The following BMP1 variants were observed in gnomAD, a reference collection of about 807,000 sequenced individuals.
BMP1 encodes the protein mammalian tolloid protein.
BMP1 carries 63 observed loss-of-function variants against 116.8 expected under a neutral mutation model. The observed-to-expected ratio is 0.54, with a 90% CI of 0.44 to 0.67. The LOEUF (loss-of-function observed/expected upper bound fraction) is 0.67. Ranked by LOEUF, BMP1 falls within the 30% of genes least tolerant of loss-of-function variation. The probability of loss-of-function intolerance (pLI) is 0.00; values close to 1 mark genes in which losing one functional copy is unlikely to be tolerated. For missense variants in BMP1, 1,183 were observed against 1,358.9 expected, an observed-to-expected ratio of 0.87 and a Z score of 2.04; for synonymous variants, 536 against 533.4, an observed-to-expected ratio of 1.00 and a Z score of -0.07.
chr8:22,194,751 G>C lies in BMP1; in HGVS notation c.1471G>C (p.Asp491His). 2 of 1,611,410 alleles carry C rather than the reference G, an allele frequency of 1.2e-6. No individual in the cohort carries two copies. The highest frequency in any genetic ancestry group is 1.7e-6 in the Non-Finnish European group (2 of 1,178,760). Reference sequence around the variant, plus strand: ...TGAGCGCCACGACAGCTGTGCCTACGACTATCTGGAGGTGCGCGACGGGCA... The same window carrying C: ...TGAGCGCCACGACAGCTGTGCCTACCACTATCTGGAGGTGCGCGACGGGCA... ...EIERHDSCAY[D>H]YLEVRDGHSE... is the part of the protein sequence containing the mutation. The change falls in exon 12 of 20, where the codon GAC (aspartate) becomes CAC (histidine). Residue 491 changes from aspartate to histidine, a missense_variant. Asp to His is a moderately conservative substitution (Grantham distance 81). Coordinates refer to ENST00000306385, the MANE Select transcript of BMP1 (RefSeq NM_006129.5). The surrounding 1 kb of genome is among the most constrained non-coding windows in gnomAD (Gnocchi z 4.5).
chr8:22,196,642 G>T (rs1395222472), intron 13 of BMP1, 38 bp from the exon 14 acceptor site: 2 of 1,612,236 alleles, frequency 1.2e-6, no homozygotes, highest in South Asian at 1.1e-5. Flanking sequence ...CATGGCAGGG[G>T]CTCCCCGCAG....
chr8:22,166,298 G>A (rs917011221), intron 1 of BMP1, among the ~76,000 whole-genome samples: 1 of 151,944 alleles, frequency 6.6e-6, no homozygotes, highest in African/African-American at 2.4e-5. Flanking sequence ...CCCAGATATT[G>A]TATATCAGCT....
At position 22,176,969 on chromosome 8, in the gene BMP1, C is replaced by T. The variant is rs1828458046; in HGVS notation, c.560C>T (p.Ser187Phe). 2 of 1,610,392 alleles carry T rather than the reference C, an allele frequency of 1.2e-6. No individual in the cohort carries two copies. Among genetic ancestry groups the T allele is most frequent in the Non-Finnish European group, 1.7e-6 (2 of 1,178,700 alleles). The change falls in exon 5 of 20, where the codon TCC (serine) becomes TTC (phenylalanine). Residue 187 changes from serine (S) to phenylalanine (F), a missense_variant. Around this residue, in one of 4 missense-constraint regions of BMP1, gnomAD observed 956 missense variants for 1,135.2 expected, o/e 0.84. Coordinates refer to ENST00000306385, the MANE Select transcript of BMP1 (RefSeq NM_006129.5). ...VFTYRPCGCCSYVGRRGGGPQ... is the reference protein window; with the variant it reads ...VFTYRPCGCCFYVGRRGGGPQ... ...CTGGCCCCGCCCTCCAGGTGCTGCTCCTACGTGGGTCGCCGCGGCGGGGGC... is the reference window on the plus strand; with the variant it reads ...CTGGCCCCGCCCTCCAGGTGCTGCTTCTACGTGGGTCGCCGCGGCGGGGGC...
chr8:22,176,729 C>G (rs1828447573), intron 4 of BMP1, 79 bp downstream of exon 4: 1 of 1,447,348 alleles, frequency 6.9e-7, no homozygotes. Flanking sequence ...CCACTGCCCC[C>G]AGCTGGGCAC....
At chr8:22,171,780 A>G (rs1024510686) in intron 1 of BMP1, 11 of 152,182 alleles carry the variant, frequency 7.2e-5, no homozygotes, top group Non-Finnish European at 1.6e-4. Flanking sequence ...TTTGGCCTCG[A>G]TGACTGCCAC....
intron 1 of BMP1, among the ~76,000 whole-genome samples, chr8:22,168,005 T>C (rs1373704440): frequency 6.6e-6 from 1 of 152,136 alleles, no homozygotes; most frequent in East Asian, 1.9e-4. Context: ...TCTGCTTCTT[T>C]TCAAGGGCTG....
chr8:22,181,636 T>C (rs1424699161), intron 8 of BMP1, among the ~76,000 whole-genome samples: 1 of 151,430 alleles, frequency 6.6e-6, no homozygotes, highest in Non-Finnish European at 1.5e-5. Flanking sequence ...CACTGCAACC[T>C]CTGCCGCCCA....
chr8:22,183,547 A>G (rs1828682848), intron 8 of BMP1, among the ~76,000 whole-genome samples: 1 of 152,088 alleles, frequency 6.6e-6, no homozygotes, highest in African/African-American at 2.4e-5. Flanking sequence ...AATAATAGCA[A>G]TAACTAACAA....
chr8:22,170,965 G>T (rs909796204), intron 1 of BMP1: 2 of 152,168 alleles, frequency 1.3e-5, no homozygotes, highest in African/African-American at 2.4e-5. Flanking sequence ...AAGCCTAAGT[G>T]TGGAGGCATT....
chr8:22,183,174 G>T (rs1481346616), intron 8 of BMP1, among the ~76,000 whole-genome samples: 1 of 152,214 alleles, frequency 6.6e-6, no homozygotes, highest in African/African-American at 2.4e-5. Context: ...CCAACACTTT[G>T]GGAAGCTGAG....
chr8:22,179,564 C>T lies in BMP1; in HGVS notation c.837-141C>T, dbSNP rs1335680416. The T allele has an allele frequency of 1.5e-4, 213 of 1,424,270 alleles. No homozygotes were observed. The highest frequency in any genetic ancestry group is 2.5e-4 in the Middle Eastern group (1 of 4,012). The allele number at this position is 1,424,270 out of a possible 1,614,324, so 88.2% of individuals were successfully genotyped here. ...TGGGTAGCATAATGACAGGGTGAGA[C>T]GACTCCACCCGGCCCTGACCCTGCT... On this transcript the variant is annotated intron_variant, in intron 6 of 19. Transcript: ENST00000306385. The surrounding 1 kb of genome is among the most constrained non-coding windows in gnomAD (Gnocchi z 4.6).
chr8:22,192,357 G>A, intron 9 of BMP1: 1 of 503,732 alleles, frequency 2.0e-6, no homozygotes, highest in Non-Finnish European at 3.6e-6. Flanking sequence ...CCTCAATCTG[G>A]ACTTCAGAGT....
Position 22,201,739 on chromosome 8 carries a change from C to T in BMP1, c.2108-64C>T, listed in dbSNP as rs1829267413. 12 of 1,599,612 alleles carry T rather than the reference C, an allele frequency of 7.5e-6. No homozygotes were observed. In the South Asian group the frequency reaches 1.2e-4, roughly 16 times the overall value. On this transcript the variant is annotated intron_variant, in intron 15 of 19. Coordinates refer to ENST00000306385, the MANE Select transcript of BMP1 (RefSeq NM_006129.5). ...AAAGTCCAGCCAGGCCTCCACTTCC[C>T]CTGGGGCATCCCAACCTCAGCCCTG... is the stretch of plus-strand genomic sequence containing the variant.
Position 22,194,904 on chromosome 8 carries a change from G to A in BMP1, c.1624G>A (p.Val542Ile), listed in dbSNP as rs753963317. The change falls in exon 12 of 20, where the codon GTC (valine) becomes ATC (isoleucine). Residue 542 changes from valine (V) to isoleucine (I), a missense_variant. Physicochemically the swap from Val to Ile is conservative, Grantham distance 29. Around this residue, in one of 4 missense-constraint regions of BMP1, gnomAD observed 956 missense variants for 1,135.2 expected, o/e 0.84. Coordinates refer to ENST00000306385, the MANE Select transcript of BMP1 (RefSeq NM_006129.5). The surrounding 1 kb of genome is among the most constrained non-coding windows in gnomAD (Gnocchi z 4.5). Reference protein sequence around the residue: ...DGSINKAGFAVNFFKEVDECS... With the variant: ...DGSINKAGFAINFFKEVDECS... ...GTCCATTAACAAAGCGGGCTTTGCC[G>A]TCAACTTTTTCAAAGGTGCCTCCTC... 165 of 1,607,970 alleles carry A rather than the reference G, an allele frequency of 1.0e-4. No individual in the cohort carries two copies. In the East Asian group the frequency reaches 2.0e-3, roughly 20 times the overall value.
intron 1 of BMP1, chr8:22,171,603 A>G (rs1295642511): frequency 6.6e-6 from 1 of 152,020 alleles, no homozygotes; most frequent in Non-Finnish European, 1.5e-5. Flanking sequence ...CTGAGTATCT[A>G]TTTTTGTATA....
chr8:22,175,305 T>C (rs558882638), intron 2 of BMP1, among the ~76,000 whole-genome samples: 1 of 152,338 alleles, frequency 6.6e-6, no homozygotes, highest in African/African-American at 2.4e-5. Context: ...GGCATAGAGT[T>C]CTGAATGCTC....
chr8:22,195,579 G>C lies in BMP1; in HGVS notation c.1757G>C (p.Arg586Pro). The C allele has an allele frequency of 6.2e-7, 1 of 1,611,882 alleles. No individual in the cohort carries two copies. Among genetic ancestry groups the C allele is most frequent in the Non-Finnish European group, 8.5e-7 (1 of 1,179,572 alleles). ...PGYELAPDKR[R>P]CEAACGGFLT... ...TACGAGCTGGCCCCAGACAAGCGCC[G>C]CTGTGAGGGTGAGTGCCCCCAGACT... is the stretch of plus-strand genomic sequence containing the variant. The change falls in exon 13 of 20, where the codon CGC becomes CCC. Residue 586 changes from arginine to proline, a missense_variant. Physicochemically the swap from Arg to Pro is moderately radical, Grantham distance 103. Coordinates refer to ENST00000306385, the MANE Select transcript of BMP1 (RefSeq NM_006129.5).
chr8:22,173,745 T>C, intron 2 of BMP1, 30 bp downstream of exon 2: 1 of 1,560,884 alleles, frequency 6.4e-7, no homozygotes. Flanking sequence ...GCCCTCTGTG[T>C]CCTAGAAATG....
chr8:22,176,900 C>T, intron 4 of BMP1, 61 bp from the exon 5 acceptor site: 1 of 1,469,220 alleles, frequency 6.8e-7, no homozygotes, highest in Non-Finnish European at 9.3e-7. Flanking sequence ...CTGGCCCCGC[C>T]CCTGAGTGGA....
Sources: allele counts gnomAD v4.1 joint callset (sites outside exome capture counted in the v4.1 genomes callset), GRCh38; gene constraint gnomAD v4.1.1; regional missense constraint gnomAD v4.1.1; non-coding constraint Gnocchi (gnomAD v3.1); transcripts MANE v1.5; gene names NCBI Gene and HGNC (gene_info 2026-07-23, HGNC 2026-07-21).